The following NPTN variants were observed in gnomAD, a reference collection of about 807,000 sequenced individuals.
NPTN encodes the protein SDR-1.
NPTN carries 5 observed loss-of-function variants against 42.7 expected under a neutral mutation model. That is an observed-to-expected ratio of 0.12 (90% CI 0.06 to 0.25). The LOEUF (loss-of-function observed/expected upper bound fraction) is 0.25. NPTN is among the 10% of genes least tolerant of loss of function. The pLI is 1.00. For synonymous variants in NPTN, 180 were observed against 201.9 expected, an observed-to-expected ratio of 0.89 and a Z score of 0.92; for missense variants, 307 against 525.4, an observed-to-expected ratio of 0.58 and a Z score of 4.06.
chr15:73,571,820 T>A (rs899846340), intron 5 of NPTN, among the ~76,000 whole-genome samples: 4 of 152,232 alleles, frequency 2.6e-5, no homozygotes, highest in African/African-American at 9.6e-5. Context: ...CATACAATCT[T>A]GTCAGCATTT....
chr15:73,604,862 A>G (rs955972642), intron 1 of NPTN, among the ~76,000 whole-genome samples: 1 of 152,218 alleles, frequency 6.6e-6, no homozygotes, highest in South Asian at 2.1e-4. Flanking sequence ...GCAGTGGCTC[A>G]TGCCTGTAAT....
intron 1 of NPTN, among the ~76,000 whole-genome samples, chr15:73,630,772 C>G (rs1462522950): frequency 6.6e-6 from 1 of 152,174 alleles, no homozygotes; most frequent in Non-Finnish European, 1.5e-5. Flanking sequence ...TTTTTGAAAG[C>G]ACTGTAAGAA....
chr15:73,563,655 C>T (rs1894817970), intron 6 of NPTN: 2 of 797,308 alleles, frequency 2.5e-6, no homozygotes, highest in South Asian at 1.1e-4. Context: ...GTGGTGAATG[C>T]ATGCAGTTTT....
intron 2 of NPTN, among the ~76,000 whole-genome samples, chr15:73,594,250 A>G (rs1007505146): frequency 1.3e-5 from 2 of 152,218 alleles, no homozygotes; most frequent in Non-Finnish European, 2.9e-5. Flanking sequence ...AATGAGGCCA[A>G]GAGCTTCCAG....
rs543349983 is a variant in NPTN at position 73,570,925 on chromosome 15, A to G, written c.841-502T>C. ...ACTCACTCCTAGTCAGACTGGGGGA[A>G]ATTCATAACTTTCCTTTCATTTAAG... is the stretch of plus-strand genomic sequence containing the variant. On this transcript the variant is annotated intron_variant, in intron 5 of 8. Coordinates refer to ENST00000345330, the MANE Select transcript of NPTN (RefSeq NM_012428.4). This position sits in a 1 kb window ranked among gnomAD's most constrained non-coding sequence, Gnocchi z 4.0. Among the ~76,000 whole-genome samples the G allele has an allele frequency of 6.6e-6, 1 of 152,350 alleles. No individual in the cohort carries two copies. Among genetic ancestry groups the G allele is most frequent in the East Asian group, 1.9e-4 (1 of 5,180 alleles).
intron 3 of NPTN, among the ~76,000 whole-genome samples, chr15:73,589,401 T>A (rs1257630271): frequency 6.6e-6 from 1 of 151,920 alleles, no homozygotes; most frequent in African/African-American, 2.4e-5. Flanking sequence ...TCACACAGGG[T>A]GATCCCAAAC....
chr15:73,623,016 A>G (rs1383016925), intron 1 of NPTN, among the ~76,000 whole-genome samples: 1 of 152,258 alleles, frequency 6.6e-6, no homozygotes, highest in East Asian at 1.9e-4. Context: ...GCAGGATTTT[A>G]ACTAATGAAG....
At chr15:73,600,704 TAATAATAATTCCTGGCCACA>T (rs1450222945) in intron 1 of NPTN, among the ~76,000 whole-genome samples, 1 of 152,142 alleles carries the variant, frequency 6.6e-6, no homozygotes, top group African/African-American at 2.4e-5. Context: ...ATAAATTAAT[TAATAATAATTCCTGGCCACA>T]AAAAGCCAGG....
chr15:73,606,439 C>A (rs1329054476), intron 1 of NPTN, among the ~76,000 whole-genome samples: 2 of 152,098 alleles, frequency 1.3e-5, no homozygotes, highest in African/African-American at 2.4e-5. Flanking sequence ...GCTGGTTTTG[C>A]TAGCCATTAA....
At chr15:73,573,504 T>G (rs1174041175) in intron 5 of NPTN, among the ~76,000 whole-genome samples, 158 bp downstream of exon 5, 1 of 152,188 alleles carries the variant, frequency 6.6e-6, no homozygotes, top group African/African-American at 2.4e-5. Flanking sequence ...AGACTGTCAA[T>G]GACCTCTTGA....
At chr15:73,561,831 A>C in intron 8 of NPTN, 65 bp downstream of exon 8, 1 of 1,175,768 alleles carries the variant, frequency 8.5e-7, no homozygotes, top group Non-Finnish European at 1.3e-6. Context: ...AATTTGTAAC[A>C]AGGTCAATAG....
At chr15:73,572,016 T>C (rs1397849557) in intron 5 of NPTN, among the ~76,000 whole-genome samples, 1 of 152,174 alleles carries the variant, frequency 6.6e-6, no homozygotes, top group Admixed American at 6.5e-5. Context: ...TCCAGTGCCT[T>C]AGAAAGTTCA....
intron 1 of NPTN, among the ~76,000 whole-genome samples, chr15:73,608,557 A>G (rs1897398750): frequency 6.6e-6 from 1 of 152,188 alleles, no homozygotes; most frequent in South Asian, 2.1e-4. Flanking sequence ...TGCTCATGCT[A>G]TTCAGAAAAA....
At chr15:73,609,883 T>C (rs929869862) in intron 1 of NPTN, among the ~76,000 whole-genome samples, 90 of 152,076 alleles carry the variant, frequency 5.9e-4, no homozygotes, top group African/African-American at 2.1e-3. Flanking sequence ...ATCTCAGACA[T>C]TTATCATCTG....
chr15:73,603,732 T>C (rs1056415897), intron 1 of NPTN, among the ~76,000 whole-genome samples: 5 of 152,202 alleles, frequency 3.3e-5, no homozygotes, highest in African/African-American at 4.8e-5. Context: ...CTTAACAATA[T>C]TTGGGAAGAT....
intron 8 of NPTN, 77 bp downstream of exon 8, chr15:73,561,819 A>G: frequency 9.3e-7 from 1 of 1,069,744 alleles, no homozygotes; most frequent in Non-Finnish European, 1.4e-6. Context: ...CAATTACTGA[A>G]GAATTTGTAA....
intron 4 of NPTN, among the ~76,000 whole-genome samples, chr15:73,582,571 G>A (rs1213759510): frequency 6.6e-6 from 1 of 152,124 alleles, no homozygotes; most frequent in African/African-American, 2.4e-5. Context: ...TGAAGACAGT[G>A]ACCCTCAACC....
At chr15:73,610,123 G>A (rs1420324954) in intron 1 of NPTN, among the ~76,000 whole-genome samples, 1 of 149,994 alleles carries the variant, frequency 6.7e-6, no homozygotes, top group Non-Finnish European at 1.5e-5. Flanking sequence ...TCTCGCTCTT[G>A]TCACCCAGGC....
At chr15:73,594,865 A>G (rs951038783) in intron 2 of NPTN, among the ~76,000 whole-genome samples, 8 of 152,050 alleles carry the variant, frequency 5.3e-5, no homozygotes, top group Non-Finnish European at 1.2e-4. Context: ...ATTCTTAGAT[A>G]GAACACCTGA....
Sources: gnomAD v4.1 joint callset for allele counts (sites outside exome capture counted in the v4.1 genomes callset) on GRCh38, gnomAD v4.1.1 for gene constraint, Gnocchi (gnomAD v3.1) non-coding constraint, MANE v1.5 for transcripts, NCBI Gene and HGNC (gene_info 2026-07-23, HGNC 2026-07-21) for gene names.